The following ANKRD30A variants were observed in gnomAD, a reference collection of about 807,000 sequenced individuals.
ANKRD30A encodes ankyrin repeat domain 30A, also known as ankyrin repeat domain-containing protein 30A.
Under a neutral mutation model 166.3 loss-of-function variants are expected in ANKRD30A, and 170 were observed. The observed-to-expected ratio is 1.02, with a 90% CI of 0.90 to 1.16. ANKRD30A has a LOEUF of 1.16. ANKRD30A is among the 50% of genes most tolerant of loss of function. The pLI is 0.00. For synonymous variants in ANKRD30A, 564 were observed against 508.9 expected (o/e 1.11, Z -1.46); for missense variants, 1,630 against 1,518.0 (o/e 1.07, Z -1.23).
intron 11 of ANKRD30A, among the ~76,000 whole-genome samples, chr10:37,150,057 G>A (rs933000802): frequency 1.3e-5 from 2 of 151,898 alleles, no homozygotes; most frequent in African/African-American, 4.8e-5. Context: ...CTTAATCTCA[G>A]ATGTTTCTAC....
chr10:37,151,115 G>A (rs1291801518), intron 11 of ANKRD30A, among the ~76,000 whole-genome samples: 1 of 151,254 alleles, frequency 6.6e-6, no homozygotes. Flanking sequence ...GTTGATGGAT[G>A]TCAAATGAGA....
intron 6 of ANKRD30A, among the ~76,000 whole-genome samples, chr10:37,139,288 C>G (rs1017661203): frequency 6.6e-6 from 1 of 152,154 alleles, no homozygotes; most frequent in African/African-American, 2.4e-5. Flanking sequence ...GCAAGGATTC[C>G]GAGCTGATTA....
At chr10:37,262,914 T>G in the ANKRD30A span, among the ~76,000 whole-genome samples, 1 of 152,230 alleles carries the variant, frequency 6.6e-6, no homozygotes, top group Admixed American at 6.5e-5. Context: ...TTCCAGACAT[T>G]GTTCTATGTC....
the ANKRD30A span, among the ~76,000 whole-genome samples, chr10:37,242,926 A>AT: frequency 6.6e-6 from 1 of 152,130 alleles, no homozygotes; most frequent in Non-Finnish European, 1.5e-5. Flanking sequence ...CTGCATTTTT[A>AT]TGCTTGTTTA....
the ANKRD30A span, among the ~76,000 whole-genome samples, chr10:37,260,856 A>G: frequency 1.3e-5 from 2 of 152,178 alleles, no homozygotes; most frequent in Admixed American, 1.3e-4. Context: ...TTGAGTATGC[A>G]TGTACATATA....
the ANKRD30A span, chr10:37,241,999 A>G: frequency 1.3e-5 from 2 of 152,196 alleles, no homozygotes; most frequent in Admixed American, 1.3e-4. Flanking sequence ...ATAATCTCAC[A>G]GAAATTTAAC....
chr10:37,262,329 A>G, the ANKRD30A span, among the ~76,000 whole-genome samples: 1 of 152,090 alleles, frequency 6.6e-6, no homozygotes, highest in African/African-American at 2.4e-5. Context: ...CCTAAAAACA[A>G]CCCCTAGAGA....
intron 31 of ANKRD30A, among the ~76,000 whole-genome samples, chr10:37,208,176 C>G (rs978616685): frequency 6.6e-6 from 1 of 152,130 alleles, no homozygotes; most frequent in Non-Finnish European, 1.5e-5. Flanking sequence ...TGCATTTTCT[C>G]TTTCCTCTGG....
chr10:37,249,162 G>A, the ANKRD30A span, among the ~76,000 whole-genome samples: 1 of 152,068 alleles, frequency 6.6e-6, no homozygotes, highest in Admixed American at 6.6e-5. Context: ...TATTCCTGAT[G>A]GGTACCCTTC....
the ANKRD30A span, among the ~76,000 whole-genome samples, chr10:37,265,807 A>G: frequency 6.6e-6 from 1 of 152,350 alleles, no homozygotes; most frequent in Non-Finnish European, 1.5e-5. Flanking sequence ...TACATATTTT[A>G]GGGGCAGGTC....
In ANKRD30A at chr10:37,193,189, C is replaced by T. The variant is rs201857349; in HGVS notation, c.2545C>T (p.Pro849Ser). The change falls in exon 27 of 36, where the codon CCC becomes TCC. Residue 849 changes from proline to serine, a missense_variant. By Grantham distance (74) the Pro-to-Ser change is moderately conservative (BLOSUM62 -1). Coordinates refer to ENST00000361713, the MANE Select transcript of ANKRD30A (RefSeq NM_052997.3). ...TTTTGTTTCTAAACCCATTTAGGCT[C>T]CCTGCAGAATGAAAGTTTCTATTCC... is the stretch of plus-strand genomic sequence containing the variant. ...SPDNDGFLKA[P>S]CRMKVSIPTK... The T allele has an allele frequency of 6.7e-5, 108 of 1,607,726 alleles. 1 individual carries two copies. The highest frequency in any genetic ancestry group is 8.7e-5 in the Non-Finnish European group (103 of 1,177,582).
intron 24 of ANKRD30A, among the ~76,000 whole-genome samples, chr10:37,183,353 G>A (rs868528376): frequency 1.2e-4 from 17 of 144,866 alleles, no homozygotes; most frequent in Middle Eastern, 3.2e-3. Flanking sequence ...TTAGGCCCCC[G>A]GTGTATTTGT....
chr10:37,257,346 A>T, the ANKRD30A span, among the ~76,000 whole-genome samples: 1 of 150,054 alleles, frequency 6.7e-6, no homozygotes, highest in Non-Finnish European at 1.5e-5. Context: ...AAAAAAAAAA[A>T]CAGCTCCTGG....
chr10:37,254,659 T>G, the ANKRD30A span, among the ~76,000 whole-genome samples: 1 of 151,458 alleles, frequency 6.6e-6, no homozygotes, highest in Non-Finnish European at 1.5e-5. Flanking sequence ...CTTTTCTGGT[T>G]GTCCTTTTCT....
downstream of ANKRD30A, among the ~76,000 whole-genome samples, chr10:37,234,264 G>A (rs1463259114): frequency 1.3e-5 from 2 of 151,922 alleles, no homozygotes; most frequent in African/African-American, 2.4e-5. Context: ...GAGATGCTTT[G>A]TTCTATATAT....
chr10:37,221,279 T>C (rs1842886582), intron 34 of ANKRD30A, among the ~76,000 whole-genome samples: 1 of 151,198 alleles, frequency 6.6e-6, no homozygotes, highest in Non-Finnish European at 1.5e-5. Flanking sequence ...ATATTGTTAA[T>C]TTGATAAGAT....
At chr10:37,247,881 CAAA>C in the ANKRD30A span, among the ~76,000 whole-genome samples, 7 of 53,168 alleles carry the variant, frequency 1.3e-4, no homozygotes, top group Admixed American at 2.1e-4. Flanking sequence ...GACTCCATCT[CAAA>C]AAAAAAAAAA....
chr10:37,162,176 C>A, intron 15 of ANKRD30A, among the ~76,000 whole-genome samples: 1 of 151,990 alleles, frequency 6.6e-6, no homozygotes, highest in South Asian at 2.1e-4. Flanking sequence ...AGTGTTATGA[C>A]CTAAGTGTAT....
the ANKRD30A span, among the ~76,000 whole-genome samples, chr10:37,263,210 A>G: frequency 6.6e-6 from 1 of 151,246 alleles, no homozygotes; most frequent in Non-Finnish European, 1.5e-5. Context: ...AAAAAAAAAA[A>G]TGAGTATGAG....
Sources: gnomAD v4.1 joint callset for allele counts (sites outside exome capture counted in the v4.1 genomes callset) on GRCh38, gnomAD v4.1.1 for gene constraint, MANE v1.5 for transcripts, NCBI Gene and HGNC (gene_info 2026-07-23, HGNC 2026-07-21) for gene names.